Variants in OR52K1 observed in about 807,000 individuals in gnomAD.
OR52K1 encodes the protein olfactory receptor 52K1.
Under a neutral mutation model 8.7 loss-of-function variants are expected in OR52K1, and 10 were observed. The ratio of observed to expected loss-of-function variants is 1.15; its 90% CI spans 0.71 to 1.95. The LOEUF is 1.95. Ranked by LOEUF, OR52K1 falls within the 30% of genes most tolerant of loss-of-function variation. The pLI is 0.00. For missense variants in OR52K1, 431 were observed against 397.2 expected (o/e 1.08, Z -0.72); for synonymous variants, 203 against 148.5 (o/e 1.37, Z -2.67).
rs1206751267 is a variant in OR52K1, at chr11:4,488,554, T to C, written c.-328-19T>C. ...CTAAAGAAATGAATTGATTTAAACATATTTTCACTTTTTTCAAGGTATTCA... is the reference window on the plus strand; with the variant it reads ...CTAAAGAAATGAATTGATTTAAACACATTTTCACTTTTTTCAAGGTATTCA... On this transcript the variant is annotated intron_variant, in intron 1 of 1. Transcript: ENST00000641528. The C allele has an allele frequency of 1.9e-5, 4 of 214,026 alleles. No individual in the cohort carries two copies. The highest frequency in any genetic ancestry group is 9.3e-5 in the African/African-American group (4 of 42,812). The allele number at this position is 214,026 out of a possible 1,614,324, so 13.3% of individuals were successfully genotyped here.
rs179479 is a variant in OR52K1 at position 4,482,708 on chromosome 11, T to C, written c.-797T>C. 32,023 of 155,578 alleles carry C rather than the reference T, an allele frequency of 0.21. 3,576 individuals are homozygous for C. The highest frequency in any genetic ancestry group is 0.39 in the South Asian group (1,866 of 4,844). 9.6% of individuals were successfully genotyped at this position (155,578 alleles called of 1,614,324 possible). A position where few individuals can be genotyped will look rare whatever the true frequency, so the allele number is the denominator to read the frequency against. On this transcript the variant is annotated 5_prime_UTR_variant, in exon 1 of 2. Coordinates refer to ENST00000641528, the MANE Select transcript of OR52K1 (RefSeq NM_001005171.3). ...GAAGCTAATGAAAAGGGCCCAGGAT[T>C]GTAAGTCAGACTGAGGACTGTGGAT...
Position 4,489,536 on chromosome 11 carries a change from C to A in OR52K1, c.636C>A (p.Asp212Glu). 6.2e-7 allele frequency: 1 copy of A among 1,614,196 alleles called. No homozygotes were observed. The highest frequency in any genetic ancestry group is 8.5e-7 in the Non-Finnish European group (1 of 1,180,040). ...TGGCCATGTTTATTGTGGTGTTGGA[C>A]CTGCTCTTTGTTATCCTGTCTTATG... Reference protein sequence around the residue: ...IAVAMFIVVLDLLFVILSYVF... With the variant: ...IAVAMFIVVLELLFVILSYVF... The change falls in exon 2 of 2, where the codon GAC becomes GAA. Residue 212 changes from aspartate to glutamate, a missense_variant. Physicochemically the swap from Asp to Glu is conservative, Grantham distance 45. Coordinates refer to ENST00000641528, the MANE Select transcript of OR52K1 (RefSeq NM_001005171.3).
intron 1 of OR52K1, among the ~76,000 whole-genome samples, chr11:4,485,275 G>T (rs1362759417): frequency 6.6e-6 from 1 of 152,130 alleles, no homozygotes; most frequent in East Asian, 1.9e-4. Flanking sequence ...TTAATGTTGG[G>T]ATTCAGTTCT....
chr11:4,483,232 T>G, intron 1 of OR52K1, 56 bp downstream of exon 1: 1 of 398,550 alleles, frequency 2.5e-6, no homozygotes, highest in Admixed American at 4.4e-5. Flanking sequence ...TGAAGTATCT[T>G]GATTATGTGA....
At position 4,490,338 on chromosome 11, in the gene OR52K1, T is replaced by G. The variant is rs1846364134; in HGVS notation, c.*493T>G. The G allele has an allele frequency of 6.4e-6, 1 of 156,126 alleles. No individual in the cohort carries two copies. The highest frequency in any genetic ancestry group is 1.4e-5 in the Non-Finnish European group (1 of 70,296). 9.7% of individuals were successfully genotyped at this position (156,126 alleles called of 1,614,324 possible). A position where few individuals can be genotyped will look rare whatever the true frequency, so the allele number is the denominator to read the frequency against. Reference sequence around the variant, plus strand: ...TCTTTATAGCCTACTATCTCCCAATTTTATTTCTACAGTTAGACAGCTCCA... The same window carrying G: ...TCTTTATAGCCTACTATCTCCCAATGTTATTTCTACAGTTAGACAGCTCCA... On this transcript the variant is annotated 3_prime_UTR_variant, in exon 2 of 2. Coordinates refer to ENST00000641528, the MANE Select transcript of OR52K1 (RefSeq NM_001005171.3).
At position 4,483,194 on chromosome 11, in the gene OR52K1, T is replaced by C. The variant is rs1846294723; in HGVS notation, c.-329+18T>C. The C allele has an allele frequency of 1.0e-5, 4 of 398,620 alleles. No individual in the cohort carries two copies. The highest frequency in any genetic ancestry group is 1.8e-5 in the Non-Finnish European group (4 of 226,044). 24.7% of individuals were successfully genotyped at this position (398,620 alleles called of 1,614,324 possible). A position where few individuals can be genotyped will look rare whatever the true frequency, so the allele number is the denominator to read the frequency against. ...AGGGAAAGGTAAGAAATACCTTATC[T>C]TTGAGGTTCTTCTACCAGAAGCAGT... On this transcript the variant is annotated intron_variant, in intron 1 of 1. Transcript: ENST00000641528.
chr11:4,489,067 C>A lies in OR52K1; in HGVS notation c.167C>A (p.Ala56Asp), dbSNP rs1333707800. 10 of 1,614,082 alleles carry A rather than the reference C, an allele frequency of 6.2e-6. No individual in the cohort carries two copies. Among genetic ancestry groups the A allele is most frequent in the Non-Finnish European group, 8.5e-6 (10 of 1,180,028 alleles). The change falls in exon 2 of 2, where the codon GCC becomes GAC. Residue 56 changes from alanine to aspartate, a missense_variant. Transcript: ENST00000641528. The stretch of plus-strand genomic sequence containing the variant: ...CTCTTCATTATCCAGGCTGATGCAG[C>A]CCTCCATGAACCCATGTACCTCTTT... Reference protein sequence around the residue: ...TLLFIIQADAALHEPMYLFLA... With the variant: ...TLLFIIQADADLHEPMYLFLA...
At chr11:4,487,496 C>T (rs1846330118) in intron 1 of OR52K1, among the ~76,000 whole-genome samples, 1 of 151,316 alleles carries the variant, frequency 6.6e-6, no homozygotes, top group South Asian at 2.1e-4. Flanking sequence ...AGATTCTAAA[C>T]ATTTTCCAAA....
rs1467261129 is a variant in OR52K1 at position 4,488,923 on chromosome 11, CA to C, written c.25del (p.Thr9HisfsTer9). On this transcript the variant is annotated frameshift_variant, in exon 2 of 2. Coordinates refer to ENST00000641528, the MANE Select transcript of OR52K1 (RefSeq NM_001005171.3). LOFTEE classifies it high-confidence loss of function. ...GCCATGCTTCCCTCTAATATCACCT[CA>C]ACACATCCAGCTGTCTTTTTGTTGG... MLPSNIT[S>X]THPAVFLLVG... is the part of the protein sequence containing the mutation. 6.2e-7 allele frequency: 1 copy of C among 1,613,808 alleles called. No homozygotes were observed. Among genetic ancestry groups the C allele is most frequent in the Non-Finnish European group, 8.5e-7 (1 of 1,179,802 alleles).
In OR52K1 at chr11:4,484,683, T is replaced by A. The variant is rs138711385; in HGVS notation, c.-329+1507T>A. Among the ~76,000 whole-genome samples, 746 of 152,220 alleles carry A rather than the reference T, an allele frequency of 4.9e-3. 6 individuals are homozygous for A. The highest frequency in any genetic ancestry group is 0.017 in the African/African-American group (698 of 41,540). ...TTTCAGGATATGTTTATATTCTCAA[T>A]GATCAACCAGCAGACCACCTAGAAA... is the stretch of plus-strand genomic sequence containing the variant. On this transcript the variant is annotated intron_variant, in intron 1 of 1. Coordinates refer to ENST00000641528, the MANE Select transcript of OR52K1 (RefSeq NM_001005171.3).
chr11:4,486,989 A>T (rs970721409), intron 1 of OR52K1, among the ~76,000 whole-genome samples: 3 of 152,204 alleles, frequency 2.0e-5, no homozygotes, highest in Admixed American at 1.3e-4. Context: ...CAATTCAGAT[A>T]AAAGTTGCTC....
At chr11:4,487,003 G>A (rs1052356524) in intron 1 of OR52K1, among the ~76,000 whole-genome samples, 2 of 151,422 alleles carry the variant, frequency 1.3e-5, no homozygotes, top group South Asian at 2.1e-4. Context: ...GTTGCTCAGC[G>A]GTCCAGTTGC....
At position 4,492,738 on chromosome 11, in the gene OR52K1, T is replaced by C. The variant is rs1219238525; in HGVS notation, c.*2893T>C. On this transcript the variant is annotated 3_prime_UTR_variant, in exon 2 of 2. Coordinates refer to ENST00000641528, the MANE Select transcript of OR52K1 (RefSeq NM_001005171.3). ...TACATACTTTTACATGATCTACTTA[T>C]ACTGTAGGGACCAGCCCTACAGGGT... 1.3e-5 allele frequency: 2 copies of C among 152,862 alleles called. No individual in the cohort carries two copies. Among genetic ancestry groups the C allele is most frequent in the Admixed American group, 6.5e-5 (1 of 15,294 alleles). 9.5% of individuals were successfully genotyped at this position (152,862 alleles called of 1,614,324 possible).
chr11:4,491,707 C>T lies in OR52K1; in HGVS notation c.*1862C>T, dbSNP rs1846376253. ...ATAGAAAAATAAAATACCACATGTT[C>T]TCACTTATAAGTGGGAACTAAACAA... On this transcript the variant is annotated 3_prime_UTR_variant, in exon 2 of 2. Transcript: ENST00000641528. 1 of 151,768 alleles carries T rather than the reference C, an allele frequency of 6.6e-6. No homozygotes were observed. The highest frequency in any genetic ancestry group is 1.5e-5 in the Non-Finnish European group (1 of 67,964). 9.4% of individuals were successfully genotyped at this position (151,768 alleles called of 1,614,324 possible).
rs57428088 is a variant in OR52K1 at position 4,484,833 on chromosome 11, GAC to G, written c.-329+1693_-329+1694del. On this transcript the variant is annotated intron_variant, in intron 1 of 1. Transcript: ENST00000641528. ...TGATACTTCTGTTCTAAAACACACA[GAC>G]ACACACACACACACACACACACACA... Among the ~76,000 whole-genome samples the G allele has an allele frequency of 9.1e-3, 1,034 of 113,576 alleles. 8 individuals are homozygous for G. Among genetic ancestry groups the G allele is most frequent in the Middle Eastern group, 0.013 (3 of 232 alleles). 74.5% of individuals were successfully genotyped at this position (113,576 alleles called of 152,430 possible).
rs780510377 is a variant in OR52K1, at chr11:4,489,009, T to G, written c.109T>G (p.Tyr37Asp). Residue 37 changes from tyrosine to aspartate, a missense_variant, in exon 2 of 2, where the codon TAT (tyrosine) becomes GAT (aspartate). Tyr to Asp is a radical substitution (Grantham distance 160). Transcript: ENST00000641528. Reference protein sequence around the residue: ...AWISIPFCFAYTLALLGNCTL... With the variant: ...AWISIPFCFADTLALLGNCTL... ...GATCTCCATCCCCTTCTGCTTTGCTTATACTCTGGCCCTGCTAGGCAACTG... is the reference window on the plus strand; with the variant it reads ...GATCTCCATCCCCTTCTGCTTTGCTGATACTCTGGCCCTGCTAGGCAACTG... 6.2e-7 allele frequency: 1 copy of G among 1,614,188 alleles called. No individual in the cohort carries two copies. Among genetic ancestry groups the G allele is most frequent in the Non-Finnish European group, 8.5e-7 (1 of 1,180,032 alleles).
chr11:4,489,141 C>G lies in OR52K1; in HGVS notation c.241C>G (p.Pro81Ala). The G allele has an allele frequency of 6.2e-7, 1 of 1,614,226 alleles. No homozygotes were observed. The highest frequency in any genetic ancestry group is 8.5e-7 in the Non-Finnish European group (1 of 1,180,048). ...CTTGGTTCTTTCTTCTACAACGCTG[C>G]CCAAAATGCTTGCCATATTCTGGTT... ...IDLVLSSTTL[P>A]KMLAIFWFRD... The change falls in exon 2 of 2, where the codon CCC becomes GCC. Residue 81 changes from proline (P) to alanine (A), a missense_variant. Coordinates refer to ENST00000641528, the MANE Select transcript of OR52K1 (RefSeq NM_001005171.3).
rs746639671 is a variant in OR52K1 at position 4,482,809 on chromosome 11, T to C, written c.-696T>C. The C allele has an allele frequency of 1.6e-5, 4 of 245,186 alleles. No individual in the cohort carries two copies. The highest frequency in any genetic ancestry group is 3.1e-5 in the Non-Finnish European group (4 of 129,220). The allele number at this position is 245,186 out of a possible 1,614,324, so 15.2% of individuals were successfully genotyped here. On this transcript the variant is annotated 5_prime_UTR_variant, in exon 1 of 2. Transcript: ENST00000641528. ...AGGAAGGTGGGAGTGAGCTGGAAGGTGGGGGCACTGTCAATTTCTTCCCAT... is the reference window on the plus strand; with the variant it reads ...AGGAAGGTGGGAGTGAGCTGGAAGGCGGGGGCACTGTCAATTTCTTCCCAT...
chr11:4,486,359 T>A (rs896129166), intron 1 of OR52K1, among the ~76,000 whole-genome samples: 1 of 152,234 alleles, frequency 6.6e-6, no homozygotes, highest in African/African-American at 2.4e-5. Context: ...TGGAATTGGA[T>A]TATCCATCTC....
Sources: gnomAD v4.1 joint callset for allele counts (sites outside exome capture counted in the v4.1 genomes callset) on GRCh38, gnomAD v4.1.1 for gene constraint, MANE v1.5 for transcripts, NCBI Gene and HGNC (gene_info 2026-07-23, HGNC 2026-07-21) for gene names.